Variants in EXOC2 observed in about 807,000 individuals in gnomAD.
EXOC2 encodes the protein exocyst complex component 2, also known as SEC5-like 1.
In EXOC2, 70 loss-of-function variants were observed where a neutral mutation model predicts 131.8. The observed-to-expected ratio is 0.53, with a 90% CI of 0.44 to 0.65. EXOC2 has a LOEUF of 0.65. EXOC2 is among the 30% of genes least tolerant of loss of function. The pLI is 0.00. For missense variants in EXOC2, 923 were observed against 1,108.6 expected (o/e 0.83, Z 2.38); for synonymous variants, 411 against 398.4 (o/e 1.03, Z -0.38).
chr6:616,602 C>CAAAAAAA lies in EXOC2; in HGVS notation c.661+1102_661+1108dup, dbSNP rs70985805. Among the ~76,000 whole-genome samples the CAAAAAAA allele has an allele frequency of 9.1e-3, 632 of 69,440 alleles. 44 individuals carry two copies. Among genetic ancestry groups the CAAAAAAA allele is most frequent in the Middle Eastern group, 0.018 (1 of 56 alleles). 45.6% of individuals were successfully genotyped at this position (69,440 alleles called of 152,430 possible). On this transcript the variant is annotated intron_variant, in intron 6 of 27. Transcript: ENST00000230449. ...TGGGCGACAGAGCGAAACTCCGTCT[C>CAAAAAAA]AAAAAAAAAAAAAAAAAAAAACTAA...
intron 23 of EXOC2, among the ~76,000 whole-genome samples, chr6:503,808 G>A (rs956711164): frequency 7.2e-5 from 11 of 152,068 alleles, no homozygotes; most frequent in East Asian, 1.9e-4. Flanking sequence ...TCTTCACTCC[G>A]GCCACAGCTG....
intron 23 of EXOC2, among the ~76,000 whole-genome samples, chr6:508,091 C>T (rs1764661639): frequency 6.6e-6 from 1 of 152,152 alleles, no homozygotes; most frequent in African/African-American, 2.4e-5. Context: ...CTTCTTGAAA[C>T]TTGCTAAATT....
rs1301182364 is a variant in EXOC2, at chr6:558,848, T to C, written c.1852-2284A>G. On this transcript the variant is annotated intron_variant, in intron 17 of 27. Coordinates refer to ENST00000230449, the MANE Select transcript of EXOC2 (RefSeq NM_018303.6). ...AAATTAAAAAAAAAATAAGTAAATG[T>C]TGATGTTCATGTGTGGTTGTTTAGA... Among the ~76,000 whole-genome samples, 9 of 152,016 alleles carry C rather than the reference T, an allele frequency of 5.9e-5. No homozygotes were observed. In the East Asian group the frequency reaches 1.7e-3, roughly 29 times the overall value.
intron 5 of EXOC2, among the ~76,000 whole-genome samples, chr6:619,215 T>C (rs938648825): frequency 2.7e-4 from 41 of 152,178 alleles, no homozygotes; most frequent in African/African-American, 8.7e-4. Context: ...AAAATGACAG[T>C]AGGAAATGAG....
At chr6:508,482 T>C (rs1251011689) in intron 23 of EXOC2, among the ~76,000 whole-genome samples, 1 of 152,222 alleles carries the variant, frequency 6.6e-6, no homozygotes, top group African/African-American at 2.4e-5. Context: ...CAACCACTGA[T>C]CTTTTTAATC....
intron 6 of EXOC2, among the ~76,000 whole-genome samples, chr6:615,062 A>C (rs187017510): frequency 6.6e-6 from 1 of 152,218 alleles, no homozygotes; most frequent in Non-Finnish European, 1.5e-5. Context: ...TGAATTTTAA[A>C]TGATTTAAAA....
At position 617,712 on chromosome 6, in the gene EXOC2, T is replaced by C. The variant is rs1761084559; in HGVS notation, c.660A>G (p.Ser220=). The change falls in exon 6 of 28, where the codon TCA becomes TCG. Residue 220 remains serine, a splice_region_variant and synonymous_variant. Coordinates refer to ENST00000230449, the MANE Select transcript of EXOC2 (RefSeq NM_018303.6). ...STFFEAQDAL[S]AIHQKLEADG... is the part of the protein sequence containing the mutation. ...AGATGGCTCTGAGGATCGCCTTACC[T>C]GAGAGGGCATCCTGTGCTTCGAAGA... 1.9e-6 allele frequency: 3 copies of C among 1,611,648 alleles called. No homozygotes were observed. The highest frequency in any genetic ancestry group is 1.7e-6 in the Non-Finnish European group (2 of 1,178,820).
intron 11 of EXOC2, among the ~76,000 whole-genome samples, chr6:590,621 C>T (rs186021622): frequency 2.6e-4 from 40 of 152,268 alleles, no homozygotes; most frequent in African/African-American, 9.6e-4. Flanking sequence ...CCACCAACAG[C>T]GTAAGAGCAA....
intron 13 of EXOC2, among the ~76,000 whole-genome samples, chr6:572,096 A>G (rs970028724): frequency 2.6e-5 from 4 of 152,200 alleles, no homozygotes; most frequent in Admixed American, 6.5e-5. Context: ...GGGAAATTGC[A>G]TACTCTATGG....
rs186391037 is a variant in EXOC2, at chr6:531,150, T to C, written c.2380+1319A>G. ...CAGGGGATTGACAGGATCCAATTTATATTTTAGAAGGATGAGCTTTTCAAA... is the reference window on the plus strand; with the variant it reads ...CAGGGGATTGACAGGATCCAATTTACATTTTAGAAGGATGAGCTTTTCAAA... On this transcript the variant is annotated intron_variant, in intron 23 of 27. Transcript: ENST00000230449. 5.3e-5 allele frequency among the ~76,000 whole-genome samples: 8 copies of C among 152,252 alleles called. No individual in the cohort carries two copies. In the East Asian group the frequency reaches 1.4e-3, roughly 26 times the overall value.
At chr6:684,757 A>C (rs771458373) in intron 1 of EXOC2, among the ~76,000 whole-genome samples, 17 of 152,250 alleles carry the variant, frequency 1.1e-4, no homozygotes, top group Non-Finnish European at 2.5e-4. Flanking sequence ...AGAACTTCAG[A>C]CTAAAAATAC....
At chr6:560,396 T>G (rs909883611) in intron 17 of EXOC2, among the ~76,000 whole-genome samples, 1 of 152,252 alleles carries the variant, frequency 6.6e-6, no homozygotes, top group Non-Finnish European at 1.5e-5. Flanking sequence ...AGGTGTATAA[T>G]GTTAGCCACA....
chr6:517,126 G>C (rs778130194), intron 23 of EXOC2, among the ~76,000 whole-genome samples: 39 of 152,260 alleles, frequency 2.6e-4, no homozygotes, highest in Middle Eastern at 3.4e-3. Flanking sequence ...AAGCCAGTTG[G>C]GGGTAGACAG....
At chr6:527,578 C>G (rs1765818798) in intron 23 of EXOC2, among the ~76,000 whole-genome samples, 1 of 152,264 alleles carries the variant, frequency 6.6e-6, no homozygotes, top group Admixed American at 6.5e-5. Flanking sequence ...AGCCTGTGCT[C>G]TGGCACACCA....
intron 1 of EXOC2, among the ~76,000 whole-genome samples, chr6:638,505 T>C (rs570380999): frequency 6.6e-6 from 1 of 152,224 alleles, no homozygotes; most frequent in Non-Finnish European, 1.5e-5. Context: ...ATTTACTAAA[T>C]CTGTTCTAAA....
intron 22 of EXOC2, among the ~76,000 whole-genome samples, chr6:543,566 G>A (rs1756675565): frequency 6.6e-6 from 1 of 152,182 alleles, no homozygotes; most frequent in African/African-American, 2.4e-5. Flanking sequence ...GATTTTTAAT[G>A]TCCTCAACAA....
intron 13 of EXOC2, among the ~76,000 whole-genome samples, chr6:567,922 C>G (rs1419075720): frequency 6.6e-6 from 1 of 152,232 alleles, no homozygotes; most frequent in Admixed American, 6.5e-5. Context: ...ACCTAACATG[C>G]CCAATTCTTC....
chr6:576,416 T>C (rs977308683), intron 12 of EXOC2, among the ~76,000 whole-genome samples: 1 of 152,226 alleles, frequency 6.6e-6, no homozygotes, highest in East Asian at 1.9e-4. Context: ...ATACTACTTT[T>C]ATCGCAAATT....
chr6:491,402 G>C (rs1055217393), intron 25 of EXOC2, among the ~76,000 whole-genome samples: 1 of 152,212 alleles, frequency 6.6e-6, no homozygotes, highest in Admixed American at 6.5e-5. Context: ...TTGTAGTCAA[G>C]GATGACTGTG....
Sources: gnomAD v4.1 joint callset for allele counts (sites outside exome capture counted in the v4.1 genomes callset) on GRCh38, gnomAD v4.1.1 for gene constraint, MANE v1.5 for transcripts, NCBI Gene and HGNC (gene_info 2026-07-23, HGNC 2026-07-21) for gene names.